The following MMP26 variants were observed in gnomAD, a reference collection of about 807,000 sequenced individuals.
MMP26 encodes the protein matrix metallopeptidase 26, also known as matrix metalloproteinase-26.
A neutral mutation model predicts 31.0 loss-of-function variants in MMP26; 33 were observed. The ratio of observed to expected loss-of-function variants is 1.06; its 90% CI spans 0.81 to 1.42. The LOEUF (loss-of-function observed/expected upper bound fraction) is 1.42, where lower values mean the gene tolerates loss of function less well. MMP26 is among the 40% of genes most tolerant of loss of function. The pLI, the probability that MMP26 is intolerant of heterozygous loss-of-function variation, is 0.00. For missense variants in MMP26, 347 were observed against 316.1 expected, an observed-to-expected ratio of 1.10 and a Z score of -0.74; for synonymous variants, 122 against 114.9, an observed-to-expected ratio of 1.06 and a Z score of -0.40.
At chr11:4,797,591 A>G (rs548131294) in intron 2 of MMP26, among the ~76,000 whole-genome samples, 1 of 152,346 alleles carries the variant, frequency 6.6e-6, no homozygotes, top group Admixed American at 6.5e-5. Context: ...GGGGAGATAC[A>G]GTGAGAAGGT....
chr11:4,926,612 A>G (rs1274760138), intron 2 of MMP26, among the ~76,000 whole-genome samples: 2 of 152,196 alleles, frequency 1.3e-5, no homozygotes, highest in Non-Finnish European at 2.9e-5. Flanking sequence ...CTATGTTCAC[A>G]TTTATGTCTC....
intron 2 of MMP26, among the ~76,000 whole-genome samples, chr11:4,854,959 AGCG>A (rs1324774375): frequency 6.6e-6 from 1 of 152,216 alleles, no homozygotes; most frequent in Non-Finnish European, 1.5e-5. Flanking sequence ...CAGGGTCTGG[AGCG>A]GACCTCCAGC....
intron 2 of MMP26, among the ~76,000 whole-genome samples, chr11:4,866,221 T>A (rs1456037891): frequency 6.6e-6 from 1 of 152,160 alleles, no homozygotes; most frequent in Non-Finnish European, 1.5e-5. Flanking sequence ...GAAATATAAG[T>A]GATCTGAAAT....
chr11:4,805,979 G>T (rs71480722), intron 2 of MMP26, among the ~76,000 whole-genome samples: 9,970 of 151,900 alleles, frequency 0.066, 442 homozygotes, highest in Middle Eastern at 0.13. Flanking sequence ...AAACACCTGG[G>T]CAAGAAAAGT....
At chr11:4,844,577 C>CTA in intron 2 of MMP26, among the ~76,000 whole-genome samples, 1 of 152,224 alleles carries the variant, frequency 6.6e-6, no homozygotes, top group African/African-American at 2.4e-5. Flanking sequence ...AGCAAGTGGG[C>CTA]TGTATCCCTG....
At chr11:4,860,181 G>C in intron 2 of MMP26, 1 of 471,036 alleles carries the variant, frequency 2.1e-6, no homozygotes, top group Non-Finnish European at 4.4e-6. Flanking sequence ...ATGGGTTTCG[G>C]ATGGCCACAA....
intron 1 of MMP26, among the ~76,000 whole-genome samples, chr11:4,720,091 C>T (rs1471650119): frequency 6.6e-6 from 1 of 152,192 alleles, no homozygotes; most frequent in African/African-American, 2.4e-5. Flanking sequence ...TTGACCTCCA[C>T]ATTTAACAGC....
chr11:4,706,253 G>C (rs1462504958), intron 1 of MMP26, among the ~76,000 whole-genome samples: 1 of 151,856 alleles, frequency 6.6e-6, no homozygotes, highest in Non-Finnish European at 1.5e-5. Context: ...TATTTTTGCT[G>C]TTTACAATAT....
chr11:4,915,776 T>G, intron 2 of MMP26: 2 of 642,412 alleles, frequency 3.1e-6, no homozygotes, highest in Non-Finnish European at 5.4e-6. Context: ...GAATCAAATA[T>G]ACCTAGAACT....
chr11:4,924,139 C>A (rs1265825114), intron 2 of MMP26: 1 of 1,614,150 alleles, frequency 6.2e-7, no homozygotes, highest in East Asian at 2.2e-5. Context: ...TGACAGCTAG[C>A]ATGCCCAAGA....
intron 2 of MMP26, among the ~76,000 whole-genome samples, chr11:4,838,710 C>T (rs1483222830): frequency 2.6e-5 from 4 of 152,010 alleles, no homozygotes; most frequent in Admixed American, 6.6e-5. Context: ...TGCAGAAAGG[C>T]ATATAGAAAG....
At chr11:4,966,070 C>G (rs1237250146) in intron 2 of MMP26, among the ~76,000 whole-genome samples, 1 of 152,072 alleles carries the variant, frequency 6.6e-6, no homozygotes, top group Non-Finnish European at 1.5e-5. Flanking sequence ...ATGTACAGTA[C>G]AATGAGTTAT....
intron 2 of MMP26, among the ~76,000 whole-genome samples, chr11:4,901,979 A>G (rs567105254): frequency 1.3e-5 from 2 of 152,354 alleles, no homozygotes; most frequent in South Asian, 4.1e-4. Flanking sequence ...AATCCAGGTT[A>G]ATCTTAATCT....
chr11:4,710,309 C>T lies in MMP26; in HGVS notation c.-217+5264C>T, dbSNP rs7109254. On this transcript the variant is annotated intron_variant, in intron 1 of 7. Coordinates refer to ENST00000380390, the MANE Select transcript of MMP26 (RefSeq NM_021801.5). ...CTTTTGGTACCTGTGTCTCTCACAT[C>T]AGTGCAGTTGCCATCTTCTACATCC... 5.0e-3 allele frequency: 2,279 copies of T among 456,754 alleles called. 9 individuals are homozygous for T. Among genetic ancestry groups the T allele is most frequent in the Non-Finnish European group, 8.2e-3 (1,862 of 226,944 alleles). The allele number at this position is 456,754 out of a possible 1,614,324, so 28.3% of individuals were successfully genotyped here.
At chr11:4,771,198 A>G (rs2133422616) in intron 2 of MMP26, among the ~76,000 whole-genome samples, 1 of 152,344 alleles carries the variant, frequency 6.6e-6, no homozygotes, top group South Asian at 2.1e-4. Context: ...GCAGATAATG[A>G]GAAATTTAAA....
intron 1 of MMP26, among the ~76,000 whole-genome samples, chr11:4,717,567 A>G: frequency 6.6e-6 from 1 of 152,052 alleles, no homozygotes; most frequent in South Asian, 2.1e-4. Flanking sequence ...AGACAAGTAG[A>G]TACATGATGG....
intron 2 of MMP26, among the ~76,000 whole-genome samples, chr11:4,807,334 T>C (rs1849284689): frequency 6.6e-6 from 1 of 152,136 alleles, no homozygotes; most frequent in African/African-American, 2.4e-5. Flanking sequence ...CTCTCCAGCA[T>C]CTATTCATGA....
chr11:4,878,294 T>G (rs1332746650), intron 2 of MMP26, among the ~76,000 whole-genome samples: 1 of 152,196 alleles, frequency 6.6e-6, no homozygotes, highest in Non-Finnish European at 1.5e-5. Context: ...CCGGACTGCT[T>G]AGTCCATTAG....
chr11:4,763,283 G>T (rs898604754), intron 1 of MMP26, among the ~76,000 whole-genome samples: 4 of 152,146 alleles, frequency 2.6e-5, no homozygotes, highest in African/African-American at 9.7e-5. Flanking sequence ...ATCAGGCTTG[G>T]CTGGCTGAAC....
Sources: gnomAD v4.1 joint callset for allele counts (sites outside exome capture counted in the v4.1 genomes callset) on GRCh38, gnomAD v4.1.1 for gene constraint, MANE v1.5 for transcripts, NCBI Gene and HGNC (gene_info 2026-07-23, HGNC 2026-07-21) for gene names.